Variants in MED13 observed in about 807,000 individuals in gnomAD.
MED13 encodes mediator complex subunit 13, also known as mediator of RNA polymerase II transcription subunit 13.
In MED13, 23 loss-of-function variants were observed where a neutral mutation model predicts 225.2. The ratio of observed to expected loss-of-function variants is 0.10; its 90% CI spans 0.07 to 0.14. MED13 has a LOEUF of 0.14. Ranked by LOEUF, MED13 falls within the 10% of genes least tolerant of loss-of-function variation. MED13 has a pLI of 1.00. For missense variants in MED13, 2,197 were observed against 2,594.5 expected (o/e 0.85, Z 3.33); for synonymous variants, 942 against 889.2 (o/e 1.06, Z -1.06).
At chr17:62,019,355 A>G (rs989465611) in intron 8 of MED13, among the ~76,000 whole-genome samples, 4 of 152,164 alleles carry the variant, frequency 2.6e-5, no homozygotes, top group African/African-American at 9.6e-5. Flanking sequence ...ATTGTTTTTA[A>G]TAAGTGGTGC....
intron 29 of MED13, 135 bp from the exon 30 acceptor site, chr17:61,946,735 A>G: frequency 8.4e-7 from 1 of 1,188,554 alleles, no homozygotes. Context: ...AGGGGAAAGA[A>G]GCAATTTCCA....
intron 6 of MED13, 26 bp from the exon 7 acceptor site, chr17:62,030,039 T>G: frequency 6.8e-7 from 1 of 1,477,926 alleles, no homozygotes; most frequent in Non-Finnish European, 9.0e-7. Flanking sequence ...AAAAACAGGC[T>G]GTAGGAGAAT....
intron 9 of MED13, among the ~76,000 whole-genome samples, chr17:62,008,995 T>C (rs2080481081): frequency 6.6e-6 from 1 of 152,190 alleles, no homozygotes; most frequent in African/African-American, 2.4e-5. Context: ...AAGACATTAT[T>C]TAACCTATTA....
chr17:61,977,880 G>T (rs76125506), intron 16 of MED13, among the ~76,000 whole-genome samples: 2,000 of 152,242 alleles, frequency 0.013, 42 homozygotes, highest in African/African-American at 0.046. Context: ...GGTGAGCCAT[G>T]GTGCCCAGCC....
At chr17:61,983,258 A>G (rs919778655) in intron 15 of MED13, 144 bp from the exon 16 acceptor site, 1 of 672,148 alleles carries the variant, frequency 1.5e-6, no homozygotes, top group Non-Finnish European at 2.4e-6. Context: ...TTACAAGCAC[A>G]GTCAATTCTT....
At chr17:62,042,580 A>G (rs1005506092) in intron 3 of MED13, among the ~76,000 whole-genome samples, 16 of 149,860 alleles carry the variant, frequency 1.1e-4, no homozygotes, top group Non-Finnish European at 2.2e-4. Context: ...AAAAAAAAAA[A>G]CCAAAAAAAC....
intron 8 of MED13, among the ~76,000 whole-genome samples, chr17:62,014,662 G>A (rs2080545891): frequency 6.6e-6 from 1 of 152,032 alleles, no homozygotes; most frequent in African/African-American, 2.4e-5. Context: ...TCCAATTGAG[G>A]AACTAATTTT....
chr17:61,988,925 A>G (rs1045780637), intron 11 of MED13, among the ~76,000 whole-genome samples: 15 of 151,702 alleles, frequency 9.9e-5, no homozygotes, highest in African/African-American at 7.3e-5. Flanking sequence ...ATTCCTCCCA[A>G]CTGAAATTTT....
intron 3 of MED13, among the ~76,000 whole-genome samples, chr17:62,041,180 C>T (rs761982259): frequency 1.4e-4 from 21 of 152,150 alleles, no homozygotes; most frequent in Non-Finnish European, 3.1e-4. Context: ...TATATACATA[C>T]AACGGAATAC....
chr17:62,031,707 G>T, intron 5 of MED13, 69 bp from the exon 6 acceptor site: 1 of 998,668 alleles, frequency 1.0e-6, no homozygotes, highest in Non-Finnish European at 1.4e-6. Context: ...TCACTCAAAA[G>T]TACTATAATG....
At chr17:62,051,871 T>C (rs1022427644) in intron 3 of MED13, among the ~76,000 whole-genome samples, 2 of 152,208 alleles carry the variant, frequency 1.3e-5, no homozygotes, top group African/African-American at 4.8e-5. Context: ...CTTAAATCTT[T>C]TGAGAGACTA....
At chr17:61,959,876 G>A (rs1257714755) in intron 23 of MED13, among the ~76,000 whole-genome samples, 2 of 151,822 alleles carry the variant, frequency 1.3e-5, no homozygotes, top group Non-Finnish European at 2.9e-5. Flanking sequence ...CTACAGGTGG[G>A]CCACTATGCC....
chr17:61,957,011 A>AAT (rs2143318491), intron 23 of MED13, among the ~76,000 whole-genome samples: 1 of 152,302 alleles, frequency 6.6e-6, no homozygotes, highest in South Asian at 2.1e-4. Flanking sequence ...ATTTGTCTAT[A>AAT]AAACACCTCA....
chr17:62,034,510 T>A (rs1297530208), intron 4 of MED13, among the ~76,000 whole-genome samples: 1 of 149,862 alleles, frequency 6.7e-6, no homozygotes. Flanking sequence ...AAAAAAATTG[T>A]CTGCCCAAAC....
At chr17:61,987,605 AATG>A (rs1431759762) in intron 11 of MED13, among the ~76,000 whole-genome samples, 2 of 152,150 alleles carry the variant, frequency 1.3e-5, no homozygotes, top group African/African-American at 4.8e-5. Flanking sequence ...GTTATAAATA[AATG>A]ATTATATCTT....
Position 61,974,648 on chromosome 17 carries a change from T to C in MED13, c.3806-1760A>G, listed in dbSNP as rs1032411205. Among the ~76,000 whole-genome samples, 9 of 152,004 alleles carry C rather than the reference T, an allele frequency of 5.9e-5. No homozygotes were observed. The East Asian group carries it at 7.7e-4, about 13-fold the overall frequency. On this transcript the variant is annotated intron_variant, in intron 16 of 29. Coordinates refer to ENST00000397786, the MANE Select transcript of MED13 (RefSeq NM_005121.3). ...AATCAAACCTCATGCTTATGATAAA[T>C]TGATTTTTGACAAAGGTACCAAGAC...
chr17:61,974,500 G>A (rs1484624557), intron 16 of MED13, among the ~76,000 whole-genome samples: 1 of 151,722 alleles, frequency 6.6e-6, no homozygotes, highest in African/African-American at 2.4e-5. Context: ...TGACCCCCAG[G>A]ACACAAGTTT....
At chr17:62,037,955 C>CAAAAAAAAAAAAA (rs397857634) in intron 3 of MED13, among the ~76,000 whole-genome samples, 5 of 64,760 alleles carry the variant, frequency 7.7e-5, no homozygotes, top group African/African-American at 9.6e-5. Context: ...GACTTCATCT[C>CAAAAAAAAAAAAA]AAAAAAAAAA....
At chr17:61,962,283 T>G (rs1195091190) in intron 21 of MED13, among the ~76,000 whole-genome samples, 2 of 152,122 alleles carry the variant, frequency 1.3e-5, no homozygotes, top group East Asian at 3.8e-4. Flanking sequence ...AGACTCTGTC[T>G]CAGAAAAAAA....
Sources: allele counts gnomAD v4.1 joint callset (sites outside exome capture counted in the v4.1 genomes callset), GRCh38; gene constraint gnomAD v4.1.1; transcripts MANE v1.5; gene names NCBI Gene and HGNC (gene_info 2026-07-23, HGNC 2026-07-21).